The following RANBP2 variants were observed in gnomAD, a reference collection of about 807,000 sequenced individuals.
The protein encoded by RANBP2 is E3 SUMO-protein ligase RanBP2.
In RANBP2, 57 loss-of-function variants were observed where a neutral mutation model predicts 303.6. The ratio of observed to expected loss-of-function variants is 0.19; its 90% CI spans 0.15 to 0.23. The LOEUF (loss-of-function observed/expected upper bound fraction) is 0.23. Ranked by LOEUF, RANBP2 falls within the 10% of genes least tolerant of loss-of-function variation. RANBP2 has a pLI of 1.00. For missense variants in RANBP2, 3,138 were observed against 3,780.8 expected, an observed-to-expected ratio of 0.83 and a Z score of 4.46; for synonymous variants, 1,167 against 1,301.5, an observed-to-expected ratio of 0.90 and a Z score of 2.23.
the RANBP2 span, among the ~76,000 whole-genome samples, chr2:109,312,601 GAT>G: frequency 0.24 from 36,578 of 151,992 alleles, 5,438 homozygotes; most frequent in East Asian, 0.65. Context: ...CCACTCTGGA[GAT>G]TTGATATAAG....
rs779588314 is a variant in RANBP2 at position 108,764,731 on chromosome 2, A to C, written c.4192A>C (p.Lys1398Gln). Reference sequence around the variant, plus strand: ...ATTAGCTGAAACTGTTTTTACTCCTAAAACCAGCCCAGAGAATGTTCAAGA... The same window carrying C: ...ATTAGCTGAAACTGTTTTTACTCCTCAAACCAGCCCAGAGAATGTTCAAGA... The part of the protein sequence containing the change: ...PPLAETVFTP[K>Q]TSPENVQDRF... Residue 1398 changes from lysine to glutamine, a missense_variant, in exon 20 of 29, where the codon AAA becomes CAA. By Grantham distance (53) the Lys-to-Gln change is moderately conservative. Transcript: ENST00000283195. 1 of 1,614,080 alleles carries C rather than the reference A, an allele frequency of 6.2e-7. No homozygotes were observed. Among genetic ancestry groups the C allele is most frequent in the Non-Finnish European group, 8.5e-7 (1 of 1,179,978 alleles).
chr2:109,346,927 G>C, the RANBP2 span, among the ~76,000 whole-genome samples: 1 of 152,140 alleles, frequency 6.6e-6, no homozygotes, highest in Non-Finnish European at 1.5e-5. Flanking sequence ...TGTCATGGTG[G>C]GGGGGTCTGT....
the RANBP2 span, among the ~76,000 whole-genome samples, chr2:108,998,747 AT>A: frequency 0.017 from 2,459 of 145,734 alleles, 25 homozygotes; most frequent in South Asian, 0.032. Context: ...AAAGATCTGG[AT>A]TTTTTTTTTT....
the RANBP2 span, among the ~76,000 whole-genome samples, chr2:109,257,889 C>T: frequency 6.6e-6 from 1 of 152,168 alleles, no homozygotes; most frequent in Non-Finnish European, 1.5e-5. Context: ...CACTGCTTCT[C>T]TGACACCAGG....
chr2:109,635,663 C>T, the RANBP2 span, among the ~76,000 whole-genome samples: 2 of 152,114 alleles, frequency 1.3e-5, no homozygotes, highest in South Asian at 2.1e-4. Context: ...CTCAGATGGT[C>T]GGTGGGGGAC....
At chr2:109,265,538 G>T in the RANBP2 span, among the ~76,000 whole-genome samples, 1 of 152,304 alleles carries the variant, frequency 6.6e-6, no homozygotes, top group South Asian at 2.1e-4. Context: ...ATAGGCTGGG[G>T]TCCCTGCAAG....
chr2:109,225,808 C>T, the RANBP2 span, among the ~76,000 whole-genome samples: 4 of 152,144 alleles, frequency 2.6e-5, no homozygotes, highest in East Asian at 1.9e-4. Flanking sequence ...CTCTGTTGCC[C>T]GGGCTGCACT....
the RANBP2 span, among the ~76,000 whole-genome samples, chr2:109,529,967 C>T: frequency 5.3e-5 from 8 of 152,286 alleles, no homozygotes; most frequent in South Asian, 1.2e-3. Context: ...TTTTAGCAAC[C>T]ATAACGACTG....
At chr2:108,853,145 A>C in the RANBP2 span, among the ~76,000 whole-genome samples, 3 of 152,246 alleles carry the variant, frequency 2.0e-5, no homozygotes, top group African/African-American at 7.2e-5. Context: ...TGATAGACCC[A>C]CAATCGGAAT....
chr2:109,128,836 C>A, the RANBP2 span: 2 of 241,936 alleles, frequency 8.3e-6, no homozygotes, highest in South Asian at 7.0e-5. Flanking sequence ...GCCAAGCCTG[C>A]GCAGGAGAGG....
At chr2:109,079,762 G>A in the RANBP2 span, among the ~76,000 whole-genome samples, 1 of 152,204 alleles carries the variant, frequency 6.6e-6, no homozygotes, top group Non-Finnish European at 1.5e-5. Flanking sequence ...GCCTGGGTTG[G>A]GGAGGCTCCC....
chr2:108,758,180 C>T (rs936725543), intron 17 of RANBP2, among the ~76,000 whole-genome samples: 2 of 151,690 alleles, frequency 1.3e-5, no homozygotes, highest in Non-Finnish European at 2.9e-5. Flanking sequence ...GCCTGTAATC[C>T]GAGCTACTCA....
the RANBP2 span, among the ~76,000 whole-genome samples, chr2:109,224,216 T>C: frequency 6.6e-6 from 1 of 152,220 alleles, no homozygotes; most frequent in African/African-American, 2.4e-5. Context: ...GAGTTTAAAC[T>C]TGGCTTGAAT....
the RANBP2 span, among the ~76,000 whole-genome samples, chr2:109,417,183 A>T: frequency 6.6e-6 from 1 of 152,188 alleles, no homozygotes; most frequent in Non-Finnish European, 1.5e-5. Flanking sequence ...CTCTGCGCAG[A>T]TGCCTGGGGC....
At chr2:109,715,127 C>T in the RANBP2 span, among the ~76,000 whole-genome samples, 3 of 151,348 alleles carry the variant, frequency 2.0e-5, no homozygotes, top group African/African-American at 7.3e-5. Flanking sequence ...GCTACCACAC[C>T]CAGCTAATTT....
chr2:109,736,152 A>G, the RANBP2 span, among the ~76,000 whole-genome samples: 1 of 152,206 alleles, frequency 6.6e-6, no homozygotes, highest in African/African-American at 2.4e-5. Context: ...GGGCACCACA[A>G]AGCATCAGGG....
the RANBP2 span, chr2:108,815,926 A>G: frequency 6.3e-7 from 1 of 1,580,916 alleles, no homozygotes; most frequent in Admixed American, 2.0e-5. Context: ...AAATGATTTA[A>G]TTTTTGACAT....
the RANBP2 span, among the ~76,000 whole-genome samples, chr2:109,629,514 C>T: frequency 1.3e-5 from 2 of 151,112 alleles, no homozygotes; most frequent in African/African-American, 2.4e-5. Context: ...ATAGTAAGTA[C>T]GAAAATGTGT....
At chr2:109,225,835 G>A in the RANBP2 span, among the ~76,000 whole-genome samples, 14 of 152,150 alleles carry the variant, frequency 9.2e-5, no homozygotes, top group Non-Finnish European at 8.8e-5. Context: ...GTGCGATCCC[G>A]GCTCACTGTA....
Sources: gnomAD v4.1 joint callset for allele counts (sites outside exome capture counted in the v4.1 genomes callset) on GRCh38, gnomAD v4.1.1 for gene constraint, MANE v1.5 for transcripts, NCBI Gene and HGNC (gene_info 2026-07-23, HGNC 2026-07-21) for gene names.